OTC: variants seen among roughly 807,000 people sequenced by gnomAD.
The protein encoded by OTC is ornithine transcarbamylase.
A neutral mutation model predicts 30.3 loss-of-function variants in OTC; 3 were observed. The observed-to-expected ratio is 0.10, with a 90% CI of 0.05 to 0.26. OTC has a LOEUF of 0.26. Among genes scored for constraint, OTC ranks in the 10% least tolerant of loss-of-function variants. The pLI is 1.00. For synonymous variants in OTC, 111 were observed against 99.7 expected, an observed-to-expected ratio of 1.11 and a Z score of -0.67; for missense variants, 194 against 260.3, an observed-to-expected ratio of 0.75 and a Z score of 1.75.
intron 3 of OTC, chrX:38,373,764 G>A (rs1261651206): frequency 8.9e-6 from 1 of 112,445 alleles, no homozygotes; most frequent in Non-Finnish European, 1.9e-5. Context: ...ATATTTCCAA[G>A]GAATGAATTC....
intron 1 of OTC, among the ~76,000 whole-genome samples, chrX:38,353,391 G>A (rs1420323209): frequency 4.1e-5 from 2 of 48,887 alleles, no homozygotes; most frequent in Admixed American, 2.2e-4. Flanking sequence ...TGTCTGTGGG[G>A]AAGGGAAAGG....
chrX:38,371,020 A>G (rs1302955724), intron 3 of OTC, among the ~76,000 whole-genome samples: 2 of 111,632 alleles, frequency 1.8e-5, no homozygotes, highest in African/African-American at 3.3e-5. Context: ...GGTTGTCCTC[A>G]GTTCTGGGAT....
intron 6 of OTC, 69 bp downstream of exon 6, chrX:38,403,809 C>CA: frequency 2.7e-6 from 3 of 1,105,110 alleles, no homozygotes; most frequent in Admixed American, 2.2e-5. Flanking sequence ...TACCCAGTGA[C>CA]AAAAAAAGCT....
At chrX:38,414,037 G>A (rs2068557590) in intron 9 of OTC, among the ~76,000 whole-genome samples, 1 of 111,398 alleles carries the variant, frequency 9.0e-6, no homozygotes, top group African/African-American at 3.3e-5. Flanking sequence ...ATTTTGAGTA[G>A]CAAAGATCTA....
the OTC span, among the ~76,000 whole-genome samples, chrX:38,336,885 G>C: frequency 8.9e-6 from 1 of 111,903 alleles, no homozygotes; most frequent in Non-Finnish European, 1.9e-5. Flanking sequence ...TCTAAAAAAA[G>C]ATCAGTCTCC....
chrX:38,391,594 A>G (rs2068429103), intron 4 of OTC, among the ~76,000 whole-genome samples: 2 of 111,536 alleles, frequency 1.8e-5, no homozygotes, highest in African/African-American at 3.3e-5. Flanking sequence ...GGATGCTAAT[A>G]CATTTGAAGG....
At chrX:38,357,681 C>T (rs1387402838) in intron 1 of OTC, among the ~76,000 whole-genome samples, 2 of 112,540 alleles carry the variant, frequency 1.8e-5, no homozygotes, top group African/African-American at 3.2e-5. Context: ...CAGACACTAG[C>T]AATGAAAGGC....
chrX:38,348,696 C>A (rs1291445524), upstream of OTC, among the ~76,000 whole-genome samples: 1 of 109,604 alleles, frequency 9.1e-6, no homozygotes, highest in Non-Finnish European at 1.9e-5. Flanking sequence ...GCCACCACAC[C>A]CAGCTAATTT....
Position 38,421,026 on chromosome X carries a change from G to A in OTC, c.1009G>A (p.Val337Ile), listed in dbSNP as rs72558487. The A allele has an allele frequency of 1.7e-6, 2 of 1,197,732 alleles. No homozygotes were observed. Among genetic ancestry groups the A allele is most frequent in the Non-Finnish European group, 2.3e-6 (2 of 883,120 alleles). ...AENRKWTIMA[V>I]MVSLLTDYSP... Reference sequence around the variant, plus strand: ...TCTTTCTTTGTTGTGTCATCAGGCTGTCATGGTGTCCCTGCTGACAGATTA... The same window carrying A: ...TCTTTCTTTGTTGTGTCATCAGGCTATCATGGTGTCCCTGCTGACAGATTA... Residue 337 changes from valine (V) to isoleucine (I), a missense_variant, in exon 10 of 10, where the codon GTC becomes ATC. Coordinates refer to ENST00000039007, the MANE Select transcript of OTC (RefSeq NM_000531.6).
intron 5 of OTC, among the ~76,000 whole-genome samples, chrX:38,402,206 A>T (rs1320567876): frequency 8.9e-6 from 1 of 112,410 alleles, no homozygotes; most frequent in Non-Finnish European, 1.9e-5. Flanking sequence ...TGCAGAGAAG[A>T]TGATATAATT....
intron 5 of OTC, 64 bp from the exon 6 acceptor site, chrX:38,403,554 A>C (rs929906600): frequency 8.9e-7 from 1 of 1,129,290 alleles, no homozygotes. Flanking sequence ...TTTTAACCTT[A>C]GTAATTGCTA....
intron 1 of OTC, among the ~76,000 whole-genome samples, chrX:38,354,611 G>A (rs2147316561): frequency 9.0e-6 from 1 of 110,512 alleles, no homozygotes; most frequent in South Asian, 3.9e-4. Context: ...AAATCCTGGT[G>A]AGCTATTTCT....
intron 9 of OTC, among the ~76,000 whole-genome samples, chrX:38,416,601 C>G (rs2068572162): frequency 8.9e-6 from 1 of 112,076 alleles, no homozygotes; most frequent in Non-Finnish European, 1.9e-5. Context: ...TACTTCTCCC[C>G]AAGTTAGAGT....
In OTC at chrX:38,354,537, C is replaced by CT. The variant is rs369911712; in HGVS notation, c.77+1775dup. ...GTAAAACCTCCTCCAAACAGTTGAACTTTTTTTTTTTGTATTTACTAATAC... is the reference window on the plus strand; with the variant it reads ...GTAAAACCTCCTCCAAACAGTTGAACTTTTTTTTTTTTGTATTTACTAATAC... On this transcript the variant is annotated intron_variant, in intron 1 of 9. Transcript: ENST00000039007. Among the ~76,000 whole-genome samples the CT allele has an allele frequency of 8.7e-3, 912 of 104,946 alleles. 7 individuals are homozygous for CT. The highest frequency in any genetic ancestry group is 0.019 in the African/African-American group (549 of 29,132). The allele number at this position is 104,946 out of a possible 115,157, so 91.1% of individuals were successfully genotyped here.
chrX:38,409,042 C>T lies in OTC; in HGVS notation c.867+17C>T. ...ACAATGAAGGTACAAATTGATGCCT[C>T]TCTGAAGGTTCATTAATTCCATTCA... On this transcript the variant is annotated intron_variant, in intron 8 of 9. Transcript: ENST00000039007. 8.3e-7 allele frequency: 1 copy of T among 1,206,486 alleles called. No homozygotes were observed. Among genetic ancestry groups the T allele is most frequent in the Admixed American group, 2.2e-5 (1 of 46,020 alleles).
the OTC span, among the ~76,000 whole-genome samples, chrX:38,337,166 T>G: frequency 8.9e-6 from 1 of 112,185 alleles, no homozygotes; most frequent in African/African-American, 3.2e-5. Context: ...TTAGTCAACA[T>G]TTTCCTGGTA....
At chrX:38,330,444 C>T in the OTC span, among the ~76,000 whole-genome samples, 298 of 112,582 alleles carry the variant, frequency 2.6e-3, no homozygotes, top group African/African-American at 9.1e-3. Flanking sequence ...CATAGTTGAT[C>T]TCATCAAATC....
chrX:38,381,212 C>T, intron 3 of OTC, 130 bp from the exon 4 acceptor site: 1 of 478,606 alleles, frequency 2.1e-6, no homozygotes, highest in Non-Finnish European at 3.6e-6. Context: ...CATGGGAATT[C>T]TGTATCAGAG....
At chrX:38,411,752 C>G (rs2068543888) in intron 8 of OTC, 110 bp from the exon 9 acceptor site, 1 of 693,630 alleles carries the variant, frequency 1.4e-6, no homozygotes, top group East Asian at 3.2e-5. Flanking sequence ...TTGTCTCTCC[C>G]TTTGCATTGA....
Sources: gnomAD v4.1 joint callset for allele counts (sites outside exome capture counted in the v4.1 genomes callset) on GRCh38, gnomAD v4.1.1 for gene constraint, MANE v1.5 for transcripts, NCBI Gene and HGNC (gene_info 2026-07-23, HGNC 2026-07-21) for gene names.